GABBR2: variants seen among roughly 807,000 people sequenced by gnomAD.
GABBR2 encodes the protein G-protein coupled receptor 51.
A neutral mutation model predicts 105.6 loss-of-function variants in GABBR2; 23 were observed. That is an observed-to-expected ratio of 0.22 (90% confidence interval 0.16 to 0.31). GABBR2 has a LOEUF of 0.31. Among genes scored for constraint, GABBR2 ranks in the 10% least tolerant of loss-of-function variants. GABBR2 has a pLI of 1.00. For synonymous variants in GABBR2, 478 were observed against 499.7 expected, an observed-to-expected ratio of 0.96 and a Z score of 0.58; for missense variants, 734 against 1,245.5, an observed-to-expected ratio of 0.59 and a Z score of 6.18.
At chr9:98,396,605 TG>T (rs1189490300) in intron 8 of GABBR2, among the ~76,000 whole-genome samples, 1 of 152,210 alleles carries the variant, frequency 6.6e-6, no homozygotes, top group East Asian at 1.9e-4. Flanking sequence ...CAGAATCTGC[TG>T]GGGGGCTCCA....
At chr9:98,374,107 C>T (rs543851015) in intron 11 of GABBR2, among the ~76,000 whole-genome samples, 18 of 152,200 alleles carry the variant, frequency 1.2e-4, no homozygotes, top group South Asian at 4.2e-4. Context: ...GATCCTCCTG[C>T]CTCGGCCTCT....
chr9:98,436,280 C>CATATATATATATATATAT (rs56768409), intron 7 of GABBR2, among the ~76,000 whole-genome samples: 1 of 53,938 alleles, frequency 1.9e-5, no homozygotes, highest in Non-Finnish European at 3.1e-5. Flanking sequence ...CAACAACAAC[C>CATATATATATATATATAT]ATATATATAT....
chr9:98,400,856 T>C lies in GABBR2; in HGVS notation c.1297+5225A>G, dbSNP rs144581444. Among the ~76,000 whole-genome samples the C allele has an allele frequency of 1.3e-3, 202 of 152,224 alleles. 1 individual carries two copies. Among genetic ancestry groups the C allele is most frequent in the African/African-American group, 4.6e-3 (193 of 41,532 alleles). The stretch of plus-strand genomic sequence containing the variant: ...ACACACAAACACAATATGGGGTGTT[T>C]GCCTTTCCTTGGGGGAGGTAGGAGT... On this transcript the variant is annotated intron_variant, in intron 8 of 18. Coordinates refer to ENST00000259455, the MANE Select transcript of GABBR2 (RefSeq NM_005458.8).
At chr9:98,447,584 T>C (rs1826157711) in intron 7 of GABBR2, among the ~76,000 whole-genome samples, 1 of 150,636 alleles carries the variant, frequency 6.6e-6, no homozygotes, top group Non-Finnish European at 1.5e-5. Flanking sequence ...TAAAATTATA[T>C]TTTGACTTAA....
At chr9:98,419,595 G>A (rs1750377086) in intron 7 of GABBR2, among the ~76,000 whole-genome samples, 1 of 152,196 alleles carries the variant, frequency 6.6e-6, no homozygotes, top group Non-Finnish European at 1.5e-5. Flanking sequence ...GGGAGGTGGA[G>A]ACCACCCAAG....
chr9:98,648,080 G>GGTGTGTGTGTGTGT lies in GABBR2; in HGVS notation c.321+60323_321+60336dup, dbSNP rs1554723457. The stretch of plus-strand genomic sequence containing the variant: ...CCCCTTTCTATCATTAATCATACAG[G>GGTGTGTGTGTGTGT]GTGTGTGTGTGTGTGTGTGTGTGTG... On this transcript the variant is annotated intron_variant, in intron 1 of 18. Transcript: ENST00000259455. Among the ~76,000 whole-genome samples the GGTGTGTGTGTGTGT allele has an allele frequency of 7.1e-4, 48 of 67,996 alleles. 1 individual carries two copies. The highest frequency in any genetic ancestry group is 2.4e-3 in the South Asian group (4 of 1,658). The allele number at this position is 67,996 out of a possible 152,430, so 44.6% of individuals were successfully genotyped here. A position where few individuals can be genotyped will look rare whatever the true frequency, so the allele number is the denominator to read the frequency against.
chr9:98,466,219 G>C (rs1024908693), intron 6 of GABBR2, among the ~76,000 whole-genome samples: 1 of 152,170 alleles, frequency 6.6e-6, no homozygotes, highest in Admixed American at 6.5e-5. Context: ...ATAACAGTGT[G>C]AGAAAGGACT....
intron 3 of GABBR2, among the ~76,000 whole-genome samples, chr9:98,531,910 T>C (rs890580888): frequency 2.0e-5 from 3 of 152,200 alleles, no homozygotes; most frequent in African/African-American, 7.2e-5. Context: ...TGCTTTTTAT[T>C]CATCCCAGTG....
intron 7 of GABBR2, among the ~76,000 whole-genome samples, chr9:98,422,501 T>TGTGTGTGG: frequency 6.7e-6 from 1 of 149,408 alleles, no homozygotes; most frequent in East Asian, 2.0e-4. Context: ...TGCACCTGTG[T>TGTGTGTGG]GTGTGTGTGT....
intron 7 of GABBR2, 23 bp downstream of exon 7, chr9:98,453,958 C>G: frequency 6.6e-7 from 1 of 1,522,174 alleles, no homozygotes; most frequent in East Asian, 2.3e-5. Context: ...CTAAGGAAAA[C>G]AGCCCAGAGG....
chr9:98,565,605 C>G (rs1167765), intron 2 of GABBR2, among the ~76,000 whole-genome samples: 46,641 of 152,082 alleles, frequency 0.31, 7,985 homozygotes, highest in East Asian at 0.62. Flanking sequence ...TCTACCTGCA[C>G]AGATAGGCCA....
In GABBR2 at chr9:98,650,412, G is replaced by A. The variant is rs149374611; in HGVS notation, c.321+58005C>T. 5.5e-3 allele frequency among the ~76,000 whole-genome samples: 836 copies of A among 152,280 alleles called. 15 individuals carry two copies. Among genetic ancestry groups the A allele is most frequent in the African/African-American group, 0.019 (785 of 41,562 alleles). ...TTACATTTTTTAAGTACTTAGAATTGTGCCTGGCACACAATAAGTACAATA... is the reference window on the plus strand; with the variant it reads ...TTACATTTTTTAAGTACTTAGAATTATGCCTGGCACACAATAAGTACAATA... On this transcript the variant is annotated intron_variant, in intron 1 of 18. Coordinates refer to ENST00000259455, the MANE Select transcript of GABBR2 (RefSeq NM_005458.8).
Position 98,290,749 on chromosome 9 carries a change from G to A in GABBR2, c.2661C>T (p.His887=), listed in dbSNP as rs1272000654. The A allele has an allele frequency of 1.0e-5, 15 of 1,480,426 alleles. No individual in the cohort carries two copies. The highest frequency in any genetic ancestry group is 1.3e-5 in the Non-Finnish European group (15 of 1,126,150). The allele number at this position is 1,480,426 out of a possible 1,614,324, so 91.7% of individuals were successfully genotyped here. ...DPIEDINSPE[H]IQRRLSLQLP... is the part of the protein sequence containing the mutation. ...GCTGGAGGGACAGCCGACGCTGGAT[G>A]CTGAAGAGAAGGAGAGGGAGGAGTG... The change falls in exon 19 of 19, where the codon CAC becomes CAT. Residue 887 remains histidine, a splice_region_variant and synonymous_variant. Coordinates refer to ENST00000259455, the MANE Select transcript of GABBR2 (RefSeq NM_005458.8).
At chr9:98,573,594 A>G (rs1017154626) in intron 2 of GABBR2, among the ~76,000 whole-genome samples, 1 of 152,194 alleles carries the variant, frequency 6.6e-6, no homozygotes, top group African/African-American at 2.4e-5. Context: ...CATTTTTTAA[A>G]TTTTATTTTT....
intron 12 of GABBR2, among the ~76,000 whole-genome samples, chr9:98,370,608 AG>A (rs950489372): frequency 1.3e-5 from 2 of 152,170 alleles, no homozygotes; most frequent in Non-Finnish European, 2.9e-5. Context: ...GAGCTGGGAG[AG>A]GGAGAAGTTG....
At chr9:98,581,364 G>A (rs1053892411) in intron 1 of GABBR2, among the ~76,000 whole-genome samples, 10 of 152,158 alleles carry the variant, frequency 6.6e-5, no homozygotes, top group Admixed American at 6.5e-4. Context: ...CTCAACATCA[G>A]GGTAGGGAGT....
At chr9:98,392,815 A>G (rs1220106177) in intron 9 of GABBR2, among the ~76,000 whole-genome samples, 2 of 151,960 alleles carry the variant, frequency 1.3e-5, no homozygotes, top group Non-Finnish European at 2.9e-5. Flanking sequence ...TCCACTGTCC[A>G]TCTGTCTACT....
chr9:98,416,526 G>A (rs1832692195), intron 7 of GABBR2, among the ~76,000 whole-genome samples: 2 of 152,208 alleles, frequency 1.3e-5, no homozygotes, highest in South Asian at 4.1e-4. Flanking sequence ...GAGTGGAAGG[G>A]GATGATGGGG....
At chr9:98,501,709 G>A (rs952319847) in intron 3 of GABBR2, among the ~76,000 whole-genome samples, 2 of 152,172 alleles carry the variant, frequency 1.3e-5, no homozygotes, top group African/African-American at 4.8e-5. Flanking sequence ...GTCACAAAGG[G>A]TGAGACCAAT....
Sources: allele counts gnomAD v4.1 joint callset (sites outside exome capture counted in the v4.1 genomes callset), GRCh38; gene constraint gnomAD v4.1.1; transcripts MANE v1.5; gene names NCBI Gene and HGNC (gene_info 2026-07-23, HGNC 2026-07-21).